ACACB: variants seen among roughly 807,000 people sequenced by gnomAD.
ACACB encodes acetyl-CoA carboxylase 2.
Under a neutral mutation model 278.8 loss-of-function variants are expected in ACACB, and 209 were observed. The observed-to-expected ratio is 0.75, with a 90% CI of 0.67 to 0.84. ACACB has a LOEUF of 0.84. ACACB is among the 40% of genes least tolerant of loss of function. The pLI is 0.00. For synonymous variants in ACACB, 1,174 were observed against 1,285.6 expected (o/e 0.91, Z 1.86); for missense variants, 2,850 against 3,269.0 (o/e 0.87, Z 3.13).
In ACACB at chr12:109,241,290, G is replaced by C. The variant is rs574349880; in HGVS notation, c.5022+9G>C. 1 of 1,613,610 alleles carries C rather than the reference G, an allele frequency of 6.2e-7. No individual in the cohort carries two copies. The highest frequency in any genetic ancestry group is 1.1e-5 in the South Asian group (1 of 91,066). ...ACTCCAGATCTGGAAATGTAAGGCTGGCCCGCGCCGTGGGGGTCTAAGTCA... is the reference window on the plus strand; with the variant it reads ...ACTCCAGATCTGGAAATGTAAGGCTCGCCCGCGCCGTGGGGGTCTAAGTCA... On this transcript the variant is annotated intron_variant, in intron 36 of 52. Coordinates refer to ENST00000338432, the MANE Select transcript of ACACB (RefSeq NM_001093.4).
In ACACB at chr12:109,237,346, G is replaced by A. The variant is rs527660684; in HGVS notation, c.4628G>A (p.Arg1543His). The A allele has an allele frequency of 4.8e-5, 77 of 1,614,044 alleles. No individual in the cohort carries two copies. The highest frequency in any genetic ancestry group is 5.7e-5 in the Non-Finnish European group (67 of 1,180,050). The change falls in exon 34 of 53, where the codon CGC (arginine) becomes CAC (histidine). Residue 1543 changes from arginine to histidine, a missense_variant. Transcript: ENST00000338432. ...GTGACGGACCATAGGTTCTTCATCCGCGCCATCATCAGGCACTCTGACCTG... is the reference window on the plus strand; with the variant it reads ...GTGACGGACCATAGGTTCTTCATCCACGCCATCATCAGGCACTCTGACCTG... ...VEVTDHRFFI[R>H]AIIRHSDLIT...
At chr12:109,188,657 G>A (rs1208210747) in intron 13 of ACACB, among the ~76,000 whole-genome samples, 2 of 151,892 alleles carry the variant, frequency 1.3e-5, no homozygotes, top group Non-Finnish European at 2.9e-5. Context: ...CACAGGGTAG[G>A]CCCCATTTAA....
At chr12:109,199,899 G>GCT (rs2045276974) in intron 18 of ACACB, among the ~76,000 whole-genome samples, 1 of 152,044 alleles carries the variant, frequency 6.6e-6, no homozygotes, top group African/African-American at 2.4e-5. Context: ...TGTAGTCCCA[G>GCT]CTATGCAGGA....
At chr12:109,248,081 A>G (rs760508137) in intron 40 of ACACB, among the ~76,000 whole-genome samples, 1 of 152,194 alleles carries the variant, frequency 6.6e-6, no homozygotes, top group Non-Finnish European at 1.5e-5. Context: ...TTCAAAGGCT[A>G]CTATCTTTTC....
intron 4 of ACACB, among the ~76,000 whole-genome samples, chr12:109,169,715 A>C (rs2044045568): frequency 6.6e-6 from 1 of 152,070 alleles, no homozygotes; most frequent in Non-Finnish European, 1.5e-5. Flanking sequence ...TCTCTCAGAG[A>C]ACCTCATTTA....
At chr12:109,223,529 G>A (rs988803623) in intron 26 of ACACB, among the ~76,000 whole-genome samples, 3 of 152,126 alleles carry the variant, frequency 2.0e-5, no homozygotes, top group Non-Finnish European at 2.9e-5. Flanking sequence ...GGCCAAGACT[G>A]GAGGATCACT....
intron 16 of ACACB, among the ~76,000 whole-genome samples, chr12:109,195,652 T>C (rs1354639421): frequency 6.6e-6 from 1 of 152,234 alleles, no homozygotes; most frequent in African/African-American, 2.4e-5. Flanking sequence ...TTTTACAAAG[T>C]TGAGATCATG....
At chr12:109,124,247 A>G (rs1490919143) in intron 1 of ACACB, among the ~76,000 whole-genome samples, 1 of 152,172 alleles carries the variant, frequency 6.6e-6, no homozygotes, top group Non-Finnish European at 1.5e-5. Flanking sequence ...CTCATCTGTA[A>G]TAATCAGCAA....
intron 28 of ACACB, among the ~76,000 whole-genome samples, chr12:109,231,602 C>T (rs549530656): frequency 3.3e-5 from 5 of 152,184 alleles, no homozygotes; most frequent in East Asian, 3.9e-4. Flanking sequence ...GTTCGATCAT[C>T]GCCTAGGAGA....
chr12:109,165,589 C>T (rs1285156734), intron 2 of ACACB, among the ~76,000 whole-genome samples: 3 of 152,098 alleles, frequency 2.0e-5, no homozygotes, highest in Non-Finnish European at 4.4e-5. Context: ...ATCATTAACT[C>T]CAGGAAAAGG....
chr12:109,127,663 CCCTAGATT>C (rs2042714343), intron 1 of ACACB, among the ~76,000 whole-genome samples: 1 of 152,088 alleles, frequency 6.6e-6, no homozygotes, highest in Non-Finnish European at 1.5e-5. Flanking sequence ...CACACTCACT[CCCTAGATT>C]CCTAGAGATG....
At chr12:109,166,305 C>T (rs1369716859) in intron 2 of ACACB, among the ~76,000 whole-genome samples, 4 of 152,074 alleles carry the variant, frequency 2.6e-5, no homozygotes, top group Non-Finnish European at 5.9e-5. Context: ...TAAAAATTAA[C>T]TTAGGATTAA....
rs564095372 is a variant in ACACB, at chr12:109,179,482, C to T, written c.1647+185C>T. 7.9e-5 allele frequency: 51 copies of T among 648,958 alleles called. No individual in the cohort carries two copies. In the African/African-American group the frequency reaches 8.2e-4, roughly 10 times the overall value. The allele number at this position is 648,958 out of a possible 1,614,324, so 40.2% of individuals were successfully genotyped here. ...ATTGGATTAGCCGGTCTGTGAACTCCCCAAATATTTCTTTTCTTTTTTGAG... is the reference window on the plus strand; with the variant it reads ...ATTGGATTAGCCGGTCTGTGAACTCTCCAAATATTTCTTTTCTTTTTTGAG... On this transcript the variant is annotated intron_variant, in intron 10 of 52. Coordinates refer to ENST00000338432, the MANE Select transcript of ACACB (RefSeq NM_001093.4).
chr12:109,206,677 T>C (rs576170447), intron 19 of ACACB, 33 bp from the exon 20 acceptor site: 1 of 1,611,760 alleles, frequency 6.2e-7, no homozygotes, highest in African/African-American at 1.3e-5. Context: ...CCCAGAGTTT[T>C]CCTGACCTGT....
chr12:109,128,903 G>C (rs958054358), intron 1 of ACACB, among the ~76,000 whole-genome samples: 18 of 151,862 alleles, frequency 1.2e-4, no homozygotes, highest in African/African-American at 3.9e-4. Context: ...CTCCTGAAGT[G>C]CTGGAATTAT....
chr12:109,206,614 G>T, intron 19 of ACACB, 96 bp from the exon 20 acceptor site: 2 of 1,444,798 alleles, frequency 1.4e-6, no homozygotes, highest in Admixed American at 2.0e-5. Context: ...ACTTGATTAC[G>T]GAAGCCGGCA....
At chr12:109,203,865 G>C (rs899174806) in intron 19 of ACACB, among the ~76,000 whole-genome samples, 5 of 152,032 alleles carry the variant, frequency 3.3e-5, no homozygotes, top group African/African-American at 1.2e-4. Context: ...GAGCATAGTG[G>C]GTGCTCAGAA....
intron 48 of ACACB, 113 bp from the exon 49 acceptor site, chr12:109,262,244 G>T: frequency 1.3e-6 from 1 of 759,926 alleles, no homozygotes; most frequent in African/African-American, 1.7e-5. Flanking sequence ...AAGAGCTGAG[G>T]ACTGACACCC....
chr12:109,156,190 C>T (rs866648914), intron 2 of ACACB, among the ~76,000 whole-genome samples: 20 of 152,252 alleles, frequency 1.3e-4, no homozygotes, highest in African/African-American at 4.8e-4. Context: ...TTCCTGTGAA[C>T]AGCCACTGCA....
Sources: allele counts gnomAD v4.1 joint callset (sites outside exome capture counted in the v4.1 genomes callset), GRCh38; gene constraint gnomAD v4.1.1; transcripts MANE v1.5; gene names NCBI Gene and HGNC (gene_info 2026-07-23, HGNC 2026-07-21).